The following BPIFB3 variants were observed in gnomAD, a reference collection of about 807,000 sequenced individuals.
The protein encoded by BPIFB3 is BPI fold containing family B member 3.
Under a neutral mutation model 53.1 loss-of-function variants are expected in BPIFB3, and 49 were observed. The observed-to-expected ratio is 0.92, with a 90% CI of 0.73 to 1.17. The LOEUF (loss-of-function observed/expected upper bound fraction) is 1.17, where lower values mean the gene tolerates loss of function less well. BPIFB3 is among the 50% of genes most tolerant of loss of function. The probability of loss-of-function intolerance (pLI) is 0.00; values close to 1 mark genes in which losing one functional copy is unlikely to be tolerated. For synonymous variants in BPIFB3, 271 were observed against 269.6 expected, an observed-to-expected ratio of 1.01 and a Z score of -0.05; for missense variants, 628 against 592.5, an observed-to-expected ratio of 1.06 and a Z score of -0.62.
chr20:33,061,901 G>A, intron 5 of BPIFB3, 70 bp downstream of exon 6: 1 of 1,569,872 alleles, frequency 6.4e-7, no homozygotes, highest in Non-Finnish European at 8.8e-7. Flanking sequence ...CTGGTTTTGG[G>A]TGAAGTTTGG....
chr20:33,073,837 G>A (rs1221886997), downstream of BPIFB3, among the ~76,000 whole-genome samples: 5 of 152,230 alleles, frequency 3.3e-5, no homozygotes, highest in African/African-American at 1.2e-4. Flanking sequence ...AATGACTCCT[G>A]TATCTCGGTA....
chr20:33,058,997 G>A (rs1479211479), intron 2 of BPIFB3, among the ~76,000 whole-genome samples: 1 of 152,150 alleles, frequency 6.6e-6, no homozygotes. Context: ...GTGTGAGTGT[G>A]CAGGGGTATA....
intron 9 of BPIFB3, among the ~76,000 whole-genome samples, chr20:33,067,632 G>C (rs530453839): frequency 6.6e-6 from 1 of 152,336 alleles, no homozygotes; most frequent in Admixed American, 6.5e-5. Flanking sequence ...GAAGGGATGC[G>C]ATTGGAGTCA....
chr20:33,072,488 C>A (rs892773135), intron 13 of BPIFB3, among the ~76,000 whole-genome samples: 1 of 152,036 alleles, frequency 6.6e-6, no homozygotes, highest in African/African-American at 2.4e-5. Context: ...TTGATGAAGC[C>A]TTTAGGAGGC....
chr20:33,059,482 G>A (rs1436346053), exon 3 of BPIFB3: 4 of 1,607,186 alleles, frequency 2.5e-6, no homozygotes, highest in Non-Finnish European at 3.4e-6. Flanking sequence ...CATTGCTCTG[G>A]GTGAGTGTGT....
chr20:33,059,300 C>A, intron 2 of BPIFB3, 78 bp from the exon 4 acceptor site: 1 of 1,041,812 alleles, frequency 9.6e-7, no homozygotes, highest in Non-Finnish European at 1.5e-6. Flanking sequence ...ATAGGGGACA[C>A]CACCAAGAGC....
chr20:33,071,608 T>C (rs1281901914), intron 12 of BPIFB3, among the ~76,000 whole-genome samples: 2 of 152,072 alleles, frequency 1.3e-5, no homozygotes, highest in African/African-American at 4.8e-5. Flanking sequence ...TTCTGGAACT[T>C]CTCCCAAGTA....
chr20:33,068,772 G>A, intron 9 of BPIFB3, 31 bp from the exon 11 acceptor site: 2 of 1,602,070 alleles, frequency 1.2e-6, no homozygotes, highest in Non-Finnish European at 1.7e-6. Flanking sequence ...TAGTCCTGGG[G>A]CATCTAAGTT....
chr20:33,059,778 C>G, intron 3 of BPIFB3, 113 bp from the exon 5 acceptor site: 8 of 1,427,504 alleles, frequency 5.6e-6, no homozygotes, highest in Non-Finnish European at 6.6e-6. Context: ...GGCAGGGAGG[C>G]AGAGGCTGAG....
At chr20:33,056,624 C>G (rs1475966788) in exon 2 of BPIFB3, 1 of 1,613,530 alleles carries the variant, frequency 6.2e-7, no homozygotes, top group Non-Finnish European at 8.5e-7. Flanking sequence ...GCCTCTTGGG[C>G]TCAGGAGGGC....
intron 1 of BPIFB3, 65 bp from the exon 3 acceptor site, chr20:33,056,477 G>A (rs1600534884): frequency 1.3e-6 from 2 of 1,574,776 alleles, no homozygotes; most frequent in East Asian, 4.5e-5. Context: ...GAAGGAGGCA[G>A]CTGCCATGGT....
chr20:33,060,976 GC>G (rs1307666296), intron 4 of BPIFB3, among the ~76,000 whole-genome samples: 1 of 152,188 alleles, frequency 6.6e-6, no homozygotes. Flanking sequence ...TGGGTCCAAG[GC>G]CTCTGCCAGC....
intron 13 of BPIFB3, 138 bp downstream of exon 14, chr20:33,072,305 C>G (rs571642851): frequency 1.6e-5 from 15 of 933,110 alleles, no homozygotes; most frequent in Non-Finnish European, 2.4e-5. Context: ...GATGCAGAAA[C>G]TGAGGCACCA....
chr20:33,065,596 AGG>A (rs1980638607), intron 8 of BPIFB3, among the ~76,000 whole-genome samples: 3 of 148,372 alleles, frequency 2.0e-5, no homozygotes, highest in Non-Finnish European at 3.0e-5. Flanking sequence ...GAAGGAAGGA[AGG>A]AAAGAAGGAA....
intron 4 of BPIFB3, among the ~76,000 whole-genome samples, chr20:33,060,501 C>T (rs1980409728): frequency 6.6e-6 from 1 of 152,206 alleles, no homozygotes; most frequent in Non-Finnish European, 1.5e-5. Flanking sequence ...GCTGTGACTT[C>T]AGTCTCTTCC....
intron 10 of BPIFB3, among the ~76,000 whole-genome samples, chr20:33,069,528 T>A (rs540510802): frequency 1.3e-5 from 2 of 152,174 alleles, no homozygotes; most frequent in Non-Finnish European, 2.9e-5. Context: ...GTCCACCACC[T>A]GGAGTACCAT....
chr20:33,064,718 C>T (rs1448095990), exon 8 of BPIFB3: 1 of 1,614,062 alleles, frequency 6.2e-7, no homozygotes, highest in East Asian at 2.2e-5. Flanking sequence ...AAGTCCCGTG[C>T]CCCAGCCAAG....
chr20:33,073,632 C>T (rs1418807687), downstream of BPIFB3: 28 of 1,613,244 alleles, frequency 1.7e-5, no homozygotes, highest in Non-Finnish European at 2.3e-5. Flanking sequence ...CCAGCCTTCC[C>T]TGTTGACTAC....
intron 12 of BPIFB3, among the ~76,000 whole-genome samples, chr20:33,071,500 G>GAA (rs1406678945): frequency 6.6e-6 from 1 of 152,058 alleles, no homozygotes; most frequent in Admixed American, 6.5e-5. Context: ...GAGAGAGAGA[G>GAA]AAACAGTGAT....
Sources: allele counts gnomAD v4.1 joint callset (sites outside exome capture counted in the v4.1 genomes callset), GRCh38; gene constraint gnomAD v4.1.1; transcripts MANE v1.5; gene names NCBI Gene and HGNC (gene_info 2026-07-23, HGNC 2026-07-21).